The following NUCB1 variants were observed in gnomAD, a reference collection of about 807,000 sequenced individuals.
The protein encoded by NUCB1 is nucleobindin 1, also known as nucleobindin-1.
NUCB1 carries 47 observed loss-of-function variants against 61.2 expected under a neutral mutation model. That is an observed-to-expected ratio of 0.77 (90% CI 0.61 to 0.98). NUCB1 has a LOEUF of 0.98. Ranked by LOEUF, NUCB1 falls within the 50% of genes least tolerant of loss-of-function variation. The pLI is 0.00. For synonymous variants in NUCB1, 234 were observed against 243.1 expected, an observed-to-expected ratio of 0.96 and a Z score of 0.35; for missense variants, 583 against 605.3, an observed-to-expected ratio of 0.96 and a Z score of 0.39.
intron 4 of NUCB1, 143 bp downstream of exon 4, chr19:48,906,028 C>T: frequency 1.4e-6 from 1 of 722,126 alleles, no homozygotes; most frequent in Non-Finnish European, 2.3e-6. Flanking sequence ...TGGGAGATTG[C>T]CCCAGTGTTC....
In NUCB1 at chr19:48,922,454, T is replaced by C. The variant is rs201809235; in HGVS notation, c.*30T>C. The C allele has an allele frequency of 1.3e-6, 2 of 1,564,944 alleles. No individual in the cohort carries two copies. The highest frequency in any genetic ancestry group is 1.8e-6 in the Non-Finnish European group (2 of 1,135,822). ...CCGGGACCCCAGCCCTCAGGATTCC[T>C]GATGCTCCAAGGCGACTGATGGGCG... On this transcript the variant is annotated 3_prime_UTR_variant, in exon 13 of 13. Transcript: ENST00000405315.
At position 48,904,360 on chromosome 19, in the gene NUCB1, A is replaced by G; in HGVS notation, c.149A>G (p.Tyr50Cys). ...TTGTTGCCTCAGGACACAGGCCTGT[A>G]CTACCACCGGTACCTCCAGGAGGTC... ...PATESPDTGL[Y>C]YHRYLQEVID... The change falls in exon 3 of 13, where the codon TAC becomes TGC. Residue 50 changes from tyrosine to cysteine, a missense_variant. By Grantham distance (194) the Tyr-to-Cys change is radical. Coordinates refer to ENST00000405315, the MANE Select transcript of NUCB1 (RefSeq NM_006184.6). 3 of 1,612,778 alleles carry G rather than the reference A, an allele frequency of 1.9e-6. No homozygotes were observed. In the African/African-American group the frequency reaches 4.0e-5, roughly 22 times the overall value.
Position 48,921,185 on chromosome 19 carries a change from A to G in NUCB1, c.1034A>G (p.Glu345Gly). The change falls in exon 11 of 13, where the codon GAA (glutamate) becomes GGA (glycine). Residue 345 changes from glutamate to glycine, a missense_variant. Coordinates refer to ENST00000405315, the MANE Select transcript of NUCB1 (RefSeq NM_006184.6). Reference protein sequence around the residue: ...TVEMHPAYTEEELRRFEEELA... With the variant: ...TVEMHPAYTEGELRRFEEELA... ...GAGATGCACCCTGCCTACACCGAGG[A>G]AGAGCTGAGGCGCTTTGAAGAGGAG... is the stretch of plus-strand genomic sequence containing the variant. 6.2e-7 allele frequency: 1 copy of G among 1,612,862 alleles called. No homozygotes were observed. The highest frequency in any genetic ancestry group is 8.5e-7 in the Non-Finnish European group (1 of 1,179,518).
In NUCB1 at chr19:48,908,355, C is replaced by T. The variant is rs369501968; in HGVS notation, c.376+2470C>T. Among the ~76,000 whole-genome samples the T allele has an allele frequency of 2.0e-5, 3 of 152,240 alleles. No homozygotes were observed. In the East Asian group the frequency reaches 5.8e-4, roughly 29 times the overall value. ...ATGTTGGCCAGGCTGGTCTCAAACT[C>T]CTGACCTCAGGTGATCCACCCGCCT... On this transcript the variant is annotated intron_variant, in intron 4 of 12. Coordinates refer to ENST00000405315, the MANE Select transcript of NUCB1 (RefSeq NM_006184.6).
chr19:48,913,514 A>G lies in NUCB1; in HGVS notation c.707A>G (p.Asp236Gly). ...TTGAAGGAGGTGTGGGAGGAGCTGG[A>G]TGGACTGGACCCCAACAGGTTTAAC... ...AQLKEVWEELDGLDPNRFNPK... is the reference protein window; with the variant it reads ...AQLKEVWEELGGLDPNRFNPK... Residue 236 changes from aspartate to glycine, a missense_variant, in exon 7 of 13, where the codon GAT (aspartate) becomes GGT (glycine). Coordinates refer to ENST00000405315, the MANE Select transcript of NUCB1 (RefSeq NM_006184.6). 1 of 1,614,178 alleles carries G rather than the reference A, an allele frequency of 6.2e-7. No individual in the cohort carries two copies. Among genetic ancestry groups the G allele is most frequent in the Non-Finnish European group, 8.5e-7 (1 of 1,180,024 alleles).
intron 4 of NUCB1, among the ~76,000 whole-genome samples, chr19:48,908,646 C>A (rs1194284732): frequency 4.3e-5 from 3 of 69,146 alleles, no homozygotes; most frequent in African/African-American, 6.5e-5. Flanking sequence ...ATTCTAGCTG[C>A]CCGTGTGTGT....
intron 2 of NUCB1, 72 bp downstream of exon 2, chr19:48,901,003 C>A (rs574093805): frequency 1.3e-6 from 2 of 1,578,810 alleles, no homozygotes; most frequent in South Asian, 2.2e-5. Context: ...CCCCGGTGCC[C>A]GTAGGGCGGA....
At chr19:48,914,049 C>A (rs1202024811) in intron 7 of NUCB1, among the ~76,000 whole-genome samples, 2 of 150,630 alleles carry the variant, frequency 1.3e-5, no homozygotes, top group Non-Finnish European at 3.0e-5. Flanking sequence ...CTCACTGCAA[C>A]CCCCTGCCCT....
chr19:48,908,697 G>GTC (rs1555791394), intron 4 of NUCB1, among the ~76,000 whole-genome samples: 19 of 136,092 alleles, frequency 1.4e-4, no homozygotes, highest in Non-Finnish European at 3.1e-4. Context: ...GTGTGTGTGT[G>GTC]TCTTTCTGCC....
chr19:48,910,386 T>G (rs1299740913), intron 4 of NUCB1, among the ~76,000 whole-genome samples: 1 of 151,586 alleles, frequency 6.6e-6, no homozygotes, highest in African/African-American at 2.4e-5. Flanking sequence ...TTGTTTGTTT[T>G]TTTTAAAGAG....
intron 4 of NUCB1, 159 bp from the exon 5 acceptor site, chr19:48,910,990 G>A: frequency 3.4e-6 from 2 of 593,764 alleles, no homozygotes; most frequent in Non-Finnish European, 6.1e-6. Flanking sequence ...TCAGTCGTGG[G>A]ATCACCTCCT....
rs779162720 is a variant in NUCB1, at chr19:48,913,050, G to A, written c.520G>A (p.Glu174Lys). 1 of 1,613,620 alleles carries A rather than the reference G, an allele frequency of 6.2e-7. No individual in the cohort carries two copies. Among genetic ancestry groups the A allele is most frequent in the Admixed American group, 1.7e-5 (1 of 59,860 alleles). ...DLAQYDAAHH[E>K]EFKRYEMLKE... ...TGCCCAGTACGACGCAGCCCATCAT[G>A]AAGAGTTCAAGCGCTACGAGATGCT... Residue 174 changes from glutamate to lysine, a missense_variant, in exon 6 of 13, where the codon GAA becomes AAA. Physicochemically the swap from Glu to Lys is moderately conservative, Grantham distance 56. Transcript: ENST00000405315.
intron 2 of NUCB1, among the ~76,000 whole-genome samples, chr19:48,902,143 G>T (rs374533730): frequency 6.6e-6 from 1 of 152,064 alleles, no homozygotes; most frequent in South Asian, 2.1e-4. Flanking sequence ...TTTCTTTCTC[G>T]CTCTGTCACC....
intron 10 of NUCB1, among the ~76,000 whole-genome samples, chr19:48,920,614 C>T (rs994650585): frequency 1.3e-5 from 2 of 152,102 alleles, no homozygotes; most frequent in Admixed American, 1.3e-4. Flanking sequence ...ACCTCCACCT[C>T]CCAGGTTCAA....
rs764667051 is a variant in NUCB1, at chr19:48,919,298, G to A, written c.1002+12G>A. On this transcript the variant is annotated intron_variant, in intron 10 of 12. Transcript: ENST00000405315. ...GGGAGGGCTGGGAGGTGAGAACATG[G>A]GGGATACTCGGGGTCCTGAACCTCT... 2.3e-5 allele frequency: 36 copies of A among 1,586,984 alleles called. No individual in the cohort carries two copies. The Admixed American group carries it at 6.0e-4, about 27-fold the overall frequency.
intron 4 of NUCB1, among the ~76,000 whole-genome samples, chr19:48,908,695 G>GTGTC (rs2037438396): frequency 2.2e-5 from 3 of 138,398 alleles, no homozygotes; most frequent in Non-Finnish European, 3.2e-5. Flanking sequence ...GTGTGTGTGT[G>GTGTC]TGTCTTTCTG....
At chr19:48,918,675 C>A in intron 7 of NUCB1, 51 bp from the exon 8 acceptor site, 2 of 1,495,986 alleles carry the variant, frequency 1.3e-6, no homozygotes, top group Non-Finnish European at 1.9e-6. Context: ...AGGGACCTTA[C>A]ACATCCCGTC....
intron 4 of NUCB1, 182 bp from the exon 5 acceptor site, chr19:48,910,967 G>A (rs1055710545): frequency 2.0e-5 from 11 of 548,952 alleles, no homozygotes; most frequent in Middle Eastern, 4.7e-4. Flanking sequence ...GGTTATTATT[G>A]TAAGCATCAG....
At chr19:48,900,703 C>A in intron 1 of NUCB1, 83 bp from the exon 2 acceptor site, 1 of 1,521,814 alleles carries the variant, frequency 6.6e-7, no homozygotes, top group Admixed American at 1.9e-5. Flanking sequence ...GGGGGCGGCG[C>A]TGGGGGCCCG....
Sources: allele counts gnomAD v4.1 joint callset (sites outside exome capture counted in the v4.1 genomes callset), GRCh38; gene constraint gnomAD v4.1.1; transcripts MANE v1.5; gene names NCBI Gene and HGNC (gene_info 2026-07-23, HGNC 2026-07-21).